Variants in IRF2 observed in about 807,000 individuals in gnomAD.
The protein encoded by IRF2 is interferon regulatory factor 2.
A neutral mutation model predicts 40.6 loss-of-function variants in IRF2; 15 were observed. The observed-to-expected ratio is 0.37, with a 90% CI of 0.25 to 0.57. The LOEUF is 0.57. Among genes scored for constraint, IRF2 ranks in the 20% least tolerant of loss-of-function variants. IRF2 has a pLI of 0.77. For synonymous variants in IRF2, 151 were observed against 165.5 expected (o/e 0.91, Z 0.67); for missense variants, 317 against 455.7 (o/e 0.70, Z 2.77).
chr4:184,445,009 T>TAC (rs1738450748), intron 1 of IRF2, among the ~76,000 whole-genome samples: 1 of 152,206 alleles, frequency 6.6e-6, no homozygotes, highest in Non-Finnish European at 1.5e-5. Flanking sequence ...GGCCCTGCCG[T>TAC]ACCATGGTGG....
intron 1 of IRF2, among the ~76,000 whole-genome samples, chr4:184,441,696 G>A (rs1236006374): frequency 6.6e-6 from 1 of 152,032 alleles, no homozygotes; most frequent in Non-Finnish European, 1.5e-5. Context: ...CCACCATGAG[G>A]GTATTAACAA....
chr4:184,429,979 C>T (rs1737815635), intron 1 of IRF2, among the ~76,000 whole-genome samples: 1 of 152,208 alleles, frequency 6.6e-6, no homozygotes, highest in African/African-American at 2.4e-5. Context: ...CTAATCTGGG[C>T]TCCAAAAGCA....
chr4:184,415,877 C>T (rs958936286), intron 5 of IRF2, among the ~76,000 whole-genome samples: 3 of 152,212 alleles, frequency 2.0e-5, no homozygotes, highest in Non-Finnish European at 2.9e-5. Flanking sequence ...TATTAGTGAT[C>T]TGTTCTGGGC....
At chr4:184,457,153 G>A (rs1213151013) in intron 1 of IRF2, among the ~76,000 whole-genome samples, 1 of 152,254 alleles carries the variant, frequency 6.6e-6, no homozygotes, top group East Asian at 1.9e-4. Flanking sequence ...ACTGTGTTAT[G>A]TGACAAATGG....
At chr4:184,440,624 T>C (rs1473252604) in intron 1 of IRF2, among the ~76,000 whole-genome samples, 1 of 152,256 alleles carries the variant, frequency 6.6e-6, no homozygotes, top group Non-Finnish European at 1.5e-5. Context: ...TCAGAGTCTC[T>C]GCCTCTGCAG....
At chr4:184,447,982 G>A (rs973248436) in intron 1 of IRF2, among the ~76,000 whole-genome samples, 30 of 152,200 alleles carry the variant, frequency 2.0e-4, no homozygotes, top group Admixed American at 1.5e-3. Context: ...TCTGATGGCC[G>A]TGCCAGGGTC....
chr4:184,405,516 AG>A (rs1736822878), intron 6 of IRF2, among the ~76,000 whole-genome samples: 1 of 152,218 alleles, frequency 6.6e-6, no homozygotes. Flanking sequence ...CAGGTATGAA[AG>A]CAGTGGGCAG....
intron 5 of IRF2, among the ~76,000 whole-genome samples, chr4:184,414,968 G>A (rs1219926713): frequency 1.3e-5 from 2 of 152,108 alleles, no homozygotes; most frequent in Admixed American, 6.6e-5. Flanking sequence ...TCAGTGCTTG[G>A]GTGTTTTGAT....
chr4:184,396,313 C>T (rs1041429908), intron 7 of IRF2, among the ~76,000 whole-genome samples: 5 of 152,106 alleles, frequency 3.3e-5, no homozygotes, highest in Admixed American at 6.5e-5. Context: ...ACAGGGCGGG[C>T]GTTAAGGACC....
intron 1 of IRF2, among the ~76,000 whole-genome samples, chr4:184,470,808 G>A (rs559036497): frequency 6.6e-6 from 1 of 152,210 alleles, no homozygotes; most frequent in South Asian, 2.1e-4. Context: ...AGAAGATTCA[G>A]ACTAAAGCAC....
intron 7 of IRF2, among the ~76,000 whole-genome samples, chr4:184,396,842 C>T (rs890854843): frequency 6.6e-6 from 1 of 152,174 alleles, no homozygotes; most frequent in African/African-American, 2.4e-5. Context: ...GCAGCTCATG[C>T]CCGTAATCCC....
intron 1 of IRF2, among the ~76,000 whole-genome samples, chr4:184,441,866 A>C (rs549810156): frequency 3.3e-5 from 5 of 152,336 alleles, no homozygotes; most frequent in South Asian, 2.1e-4. Flanking sequence ...GTAACTTCCC[A>C]AGGTCACAGA....
chr4:184,420,539 T>C (rs1334926833), intron 2 of IRF2, among the ~76,000 whole-genome samples: 2 of 152,170 alleles, frequency 1.3e-5, no homozygotes, highest in East Asian at 1.9e-4. Flanking sequence ...TATCAGACTA[T>C]CTCTACATCT....
At chr4:184,469,637 C>T (rs766715138) in intron 1 of IRF2, among the ~76,000 whole-genome samples, 32 of 152,260 alleles carry the variant, frequency 2.1e-4, no homozygotes, top group Non-Finnish European at 4.1e-4. Context: ...ATCGAGCCAC[C>T]GCACTCCAGC....
rs1414501109 is a variant in IRF2, at chr4:184,387,911, TA to T, written c.*846del. ...AATTATAAATTTGCTGTAGAAAAGATAAAAAACAATTATATTTTATTTAGAA... is the reference window on the plus strand; with the variant it reads ...AATTATAAATTTGCTGTAGAAAAGATAAAAACAATTATATTTTATTTAGAA... On this transcript the variant is annotated 3_prime_UTR_variant, in exon 9 of 9. Coordinates refer to ENST00000393593, the MANE Select transcript of IRF2 (RefSeq NM_002199.4). 1 of 152,460 alleles carries T rather than the reference TA, an allele frequency of 6.6e-6. No homozygotes were observed. Among genetic ancestry groups the T allele is most frequent in the African/African-American group, 2.4e-5 (1 of 41,426 alleles). 9.4% of individuals were successfully genotyped at this position (152,460 alleles called of 1,614,324 possible). A position where few individuals can be genotyped will look rare whatever the true frequency, so the allele number is the denominator to read the frequency against.
intron 6 of IRF2, among the ~76,000 whole-genome samples, chr4:184,402,343 C>T (rs1033496598): frequency 2.6e-5 from 4 of 152,158 alleles, no homozygotes; most frequent in Non-Finnish European, 5.9e-5. Context: ...GGAGCCCCTT[C>T]CTGACCCGCC....
chr4:184,436,373 T>C (rs1738079698), intron 1 of IRF2, among the ~76,000 whole-genome samples: 1 of 152,104 alleles, frequency 6.6e-6, no homozygotes, highest in Non-Finnish European at 1.5e-5. Flanking sequence ...CTGTGGGGGA[T>C]TCAAAGACGG....
intron 6 of IRF2, among the ~76,000 whole-genome samples, chr4:184,401,860 C>T (rs765598008): frequency 6.6e-6 from 1 of 152,224 alleles, no homozygotes; most frequent in African/African-American, 2.4e-5. Flanking sequence ...CTCATCTCTC[C>T]TTTGCACGTT....
chr4:184,444,063 C>T (rs1738411534), intron 1 of IRF2, among the ~76,000 whole-genome samples: 1 of 152,198 alleles, frequency 6.6e-6, no homozygotes, highest in Non-Finnish European at 1.5e-5. Flanking sequence ...CCACATGACT[C>T]CAGGACAGCA....
Sources: allele counts gnomAD v4.1 joint callset (sites outside exome capture counted in the v4.1 genomes callset), GRCh38; gene constraint gnomAD v4.1.1; transcripts MANE v1.5; gene names NCBI Gene and HGNC (gene_info 2026-07-23, HGNC 2026-07-21).